Variants in HRH4 observed in about 807,000 individuals in gnomAD.
HRH4 encodes the protein histamine receptor H4.
A neutral mutation model predicts 10.4 loss-of-function variants in HRH4; 12 were observed. The observed-to-expected ratio is 1.15, with a 90% confidence interval of 0.74 to 1.87. The LOEUF (loss-of-function observed/expected upper bound fraction) is 1.87, where lower values mean the gene tolerates loss of function less well. Among genes scored for constraint, HRH4 ranks in the 40% most tolerant of loss-of-function variants. The pLI is 0.00. For missense variants in HRH4, 415 were observed against 453.3 expected (o/e 0.92, Z 0.77); for synonymous variants, 154 against 166.6 (o/e 0.92, Z 0.58).
At chr18:24,467,531 C>G (rs1046855898) in intron 1 of HRH4, among the ~76,000 whole-genome samples, 1 of 152,016 alleles carries the variant, frequency 6.6e-6, no homozygotes, top group African/African-American at 2.4e-5. Context: ...AGTGAATGGA[C>G]TTTTTATTTA....
chr18:24,469,592 G>T (rs1219679243), intron 2 of HRH4, among the ~76,000 whole-genome samples: 1 of 152,096 alleles, frequency 6.6e-6, no homozygotes, highest in Non-Finnish European at 1.5e-5. Flanking sequence ...AGGACAAGGG[G>T]GCCATAGAAA....
chr18:24,472,068 C>G (rs1310603624), intron 2 of HRH4, among the ~76,000 whole-genome samples: 2 of 152,028 alleles, frequency 1.3e-5, no homozygotes, highest in African/African-American at 2.4e-5. Flanking sequence ...TTCTTTGAGA[C>G]AGAGTCTGGC....
Position 24,477,129 on chromosome 18 carries a change from C to G in HRH4, c.740C>G (p.Ser247Cys). The G allele has an allele frequency of 1.2e-6, 2 of 1,614,202 alleles. No individual in the cohort carries two copies. The highest frequency in any genetic ancestry group is 2.2e-5 in the East Asian group (1 of 44,894). The change falls in exon 3 of 3, where the codon TCC becomes TGC. Residue 247 changes from serine (S) to cysteine (C), a missense_variant. By Grantham distance (112) the Ser-to-Cys change is moderately radical. Transcript: ENST00000256906. ...SLSASTEVPASFHSERQRRKS... is the reference protein window; with the variant it reads ...SLSASTEVPACFHSERQRRKS... ...TCTGCATCGACAGAAGTTCCTGCAT[C>G]CTTTCATTCAGAGAGACAGAGGAGA...
Position 24,476,959 on chromosome 18 carries a change from C to T in HRH4, c.570C>T (p.Val190=), listed in dbSNP as rs148875532. 4.2e-5 allele frequency: 68 copies of T among 1,614,018 alleles called. No homozygotes were observed. The highest frequency in any genetic ancestry group is 6.7e-5 in the African/African-American group (5 of 74,916). ...AATTCGTGATCCCAGTCATCTTAGTCGCTTATTTCAACATGAATATTTATT... is the reference window on the plus strand; with the variant it reads ...AATTCGTGATCCCAGTCATCTTAGTTGCTTATTTCAACATGAATATTTATT... ...FLEFVIPVIL[V]AYFNMNIYWS... is the part of the protein sequence containing the mutation. Residue 190 remains valine, a synonymous_variant, in exon 3 of 3, where the codon GTC becomes GTT. Coordinates refer to ENST00000256906, the MANE Select transcript of HRH4 (RefSeq NM_021624.4).
intron 1 of HRH4, among the ~76,000 whole-genome samples, chr18:24,464,739 G>A (rs1158347019): frequency 6.6e-6 from 1 of 152,166 alleles, no homozygotes; most frequent in Non-Finnish European, 1.5e-5. Context: ...TTCTTTTGAA[G>A]GAGGCACTTT....
chr18:24,465,850 CTT>C (rs1418957717), intron 1 of HRH4, among the ~76,000 whole-genome samples: 1 of 152,146 alleles, frequency 6.6e-6, no homozygotes, highest in African/African-American at 2.4e-5. Context: ...CACCTTTCCT[CTT>C]TTGCATAAAT....
chr18:24,476,963 T>C lies in HRH4; in HGVS notation c.574T>C (p.Tyr192His), dbSNP rs1261809128. The C allele has an allele frequency of 6.2e-7, 1 of 1,614,220 alleles. No homozygotes were observed. The part of the protein sequence containing the change: ...EFVIPVILVA[Y>H]FNMNIYWSLW... ...CGTGATCCCAGTCATCTTAGTCGCT[T>C]ATTTCAACATGAATATTTATTGGAG... Residue 192 changes from tyrosine to histidine, a missense_variant, in exon 3 of 3, where the codon TAT becomes CAT. Tyr to His is a moderately conservative substitution (Grantham distance 83, BLOSUM62 2). Coordinates refer to ENST00000256906, the MANE Select transcript of HRH4 (RefSeq NM_021624.4).
Position 24,460,841 on chromosome 18 carries a change from T to C in HRH4, c.113T>C (p.Leu38Ser). ...ATGCTAGGAAATGCTTTGGTCATTTTAGCTTTTGTGGTGGACAAAAACCTT... is the reference window on the plus strand; with the variant it reads ...ATGCTAGGAAATGCTTTGGTCATTTCAGCTTTTGTGGTGGACAAAAACCTT... ...AIMLGNALVI[L>S]AFVVDKNLRH... The change falls in exon 1 of 3, where the codon TTA becomes TCA. Residue 38 changes from leucine (L) to serine (S), a missense_variant. Transcript: ENST00000256906. 6.3e-7 allele frequency: 1 copy of C among 1,591,946 alleles called. No homozygotes were observed. Among genetic ancestry groups the C allele is most frequent in the Non-Finnish European group, 8.6e-7 (1 of 1,164,478 alleles).
At chr18:24,466,607 C>T (rs1909783674) in intron 1 of HRH4, among the ~76,000 whole-genome samples, 1 of 152,182 alleles carries the variant, frequency 6.6e-6, no homozygotes, top group South Asian at 2.1e-4. Context: ...GGACAGAATA[C>T]TAGGGTTTAG....
intron 2 of HRH4, among the ~76,000 whole-genome samples, chr18:24,475,845 TA>T (rs1211393738): frequency 6.6e-6 from 1 of 151,828 alleles, no homozygotes; most frequent in Non-Finnish European, 1.5e-5. Flanking sequence ...CCATCTCTAC[TA>T]AAAATACAAA....
chr18:24,463,162 A>T (rs1296210792), intron 1 of HRH4, among the ~76,000 whole-genome samples: 1 of 152,220 alleles, frequency 6.6e-6, no homozygotes, highest in Non-Finnish European at 1.5e-5. Context: ...CCCACCCTCA[A>T]GGGCTTGAGC....
rs866992205 is a variant in HRH4, at chr18:24,477,005, C to T, written c.616C>T (p.His206Tyr). The part of the protein sequence containing the change: ...NIYWSLWKRD[H>Y]LSRCQSHPGL... ...TTATTGGAGCCTGTGGAAGCGTGAT[C>T]ATCTCAGTAGGTGCCAAAGCCATCC... The change falls in exon 3 of 3, where the codon CAT (histidine) becomes TAT (tyrosine). Residue 206 changes from histidine (H) to tyrosine (Y), a missense_variant. Physicochemically the swap from His to Tyr is moderately conservative, Grantham distance 83. Coordinates refer to ENST00000256906, the MANE Select transcript of HRH4 (RefSeq NM_021624.4). The T allele has an allele frequency of 6.2e-7, 1 of 1,614,174 alleles. No homozygotes were observed. The highest frequency in any genetic ancestry group is 1.6e-4 in the Middle Eastern group (1 of 6,062).
At chr18:24,466,767 T>A (rs1909787945) in intron 1 of HRH4, among the ~76,000 whole-genome samples, 1 of 152,208 alleles carries the variant, frequency 6.6e-6, no homozygotes, top group Non-Finnish European at 1.5e-5. Flanking sequence ...AAAATGGGAA[T>A]TCCTGGAAGT....
chr18:24,476,309 G>A (rs912696931), intron 2 of HRH4, among the ~76,000 whole-genome samples: 1 of 152,122 alleles, frequency 6.6e-6, no homozygotes, highest in African/African-American at 2.4e-5. Context: ...CATCATTAAA[G>A]AACACCTACC....
chr18:24,474,100 A>C (rs1036981740), intron 2 of HRH4, among the ~76,000 whole-genome samples: 17 of 152,224 alleles, frequency 1.1e-4, no homozygotes, highest in African/African-American at 3.9e-4. Context: ...ATAACGGAAG[A>C]GAGATCACTT....
chr18:24,462,572 C>T (rs1302240864), intron 1 of HRH4, among the ~76,000 whole-genome samples: 1 of 152,118 alleles, frequency 6.6e-6, no homozygotes, highest in Non-Finnish European at 1.5e-5. Context: ...AAAGATTGGG[C>T]TTCTGAGACT....
At chr18:24,474,726 C>T (rs1457043562) in intron 2 of HRH4, among the ~76,000 whole-genome samples, 1 of 147,432 alleles carries the variant, frequency 6.8e-6, no homozygotes, top group African/African-American at 2.5e-5. Flanking sequence ...CTCACTCTGT[C>T]ACCAGGCTGG....
intron 1 of HRH4, among the ~76,000 whole-genome samples, chr18:24,464,256 G>A (rs1909717873): frequency 6.6e-6 from 1 of 152,182 alleles, no homozygotes. Flanking sequence ...TTCCTGATGA[G>A]GGCTGTCTTT....
intron 2 of HRH4, among the ~76,000 whole-genome samples, chr18:24,469,682 G>C (rs558959993): frequency 6.6e-6 from 1 of 152,276 alleles, no homozygotes; most frequent in East Asian, 1.9e-4. Context: ...AACTCTTTGG[G>C]GGACTACTGT....
Sources: gnomAD v4.1 joint callset for allele counts (sites outside exome capture counted in the v4.1 genomes callset) on GRCh38, gnomAD v4.1.1 for gene constraint, MANE v1.5 for transcripts, NCBI Gene and HGNC (gene_info 2026-07-23, HGNC 2026-07-21) for gene names.